Variants in SLC30A5 observed in about 807,000 individuals in gnomAD.
SLC30A5 encodes the protein solute carrier family 30 member 5, also known as proton-coupled zinc antiporter SLC30A5.
A neutral mutation model predicts 79.6 loss-of-function variants in SLC30A5; 33 were observed. The ratio of observed to expected loss-of-function variants is 0.41; its 90% CI spans 0.31 to 0.55. SLC30A5 has a LOEUF of 0.55. Ranked by LOEUF, SLC30A5 falls within the 20% of genes least tolerant of loss-of-function variation. The pLI is 0.20. For synonymous variants in SLC30A5, 299 were observed against 319.7 expected (o/e 0.94, Z 0.69); for missense variants, 788 against 928.1 (o/e 0.85, Z 1.96).
chr5:69,117,551 T>C (rs1746404781), intron 11 of SLC30A5, among the ~76,000 whole-genome samples, 155 bp downstream of exon 11: 1 of 152,196 alleles, frequency 6.6e-6, no homozygotes, highest in Non-Finnish European at 1.5e-5. Context: ...ATCGGGCATT[T>C]GATAAATACT....
chr5:69,094,047 G>A lies in SLC30A5; in HGVS notation c.-209G>A. The A allele has an allele frequency of 2.5e-6, 1 of 393,980 alleles. No individual in the cohort carries two copies. The highest frequency in any genetic ancestry group is 4.5e-6 in the Non-Finnish European group (1 of 222,678). 24.4% of individuals were successfully genotyped at this position (393,980 alleles called of 1,614,324 possible). On this transcript the variant is annotated 5_prime_UTR_variant, in exon 1 of 16. Coordinates refer to ENST00000396591, the MANE Select transcript of SLC30A5 (RefSeq NM_022902.5). Reference sequence around the variant, plus strand: ...CGCCGCTGCTTCCCGGGAACCTGGCGCCGCCGGAACTGATCGCGGCCTAGT... The same window carrying A: ...CGCCGCTGCTTCCCGGGAACCTGGCACCGCCGGAACTGATCGCGGCCTAGT...
chr5:69,100,651 G>A (rs1179301021), intron 1 of SLC30A5, among the ~76,000 whole-genome samples, 156 bp from the exon 2 acceptor site: 2 of 150,696 alleles, frequency 1.3e-5, no homozygotes, highest in Non-Finnish European at 2.9e-5. Flanking sequence ...TAGTTATCAC[G>A]TGGATGGTGA....
intron 14 of SLC30A5, among the ~76,000 whole-genome samples, chr5:69,124,483 C>T (rs1335836191): frequency 6.6e-6 from 1 of 152,046 alleles, no homozygotes; most frequent in Non-Finnish European, 1.5e-5. Context: ...GAAAAAAAAG[C>T]TATATCTCTA....
At chr5:69,117,615 G>A (rs919890875) in intron 11 of SLC30A5, among the ~76,000 whole-genome samples, 6 of 152,210 alleles carry the variant, frequency 3.9e-5, no homozygotes, top group African/African-American at 1.2e-4. Flanking sequence ...AGTGGCTCAC[G>A]CCTGTAATCC....
Position 69,115,366 on chromosome 5 carries a change from C to T in SLC30A5, c.742C>T (p.Leu248Phe), listed in dbSNP as rs752773548. 11 of 1,613,942 alleles carry T rather than the reference C, an allele frequency of 6.8e-6. No homozygotes were observed. The highest frequency in any genetic ancestry group is 9.3e-6 in the Non-Finnish European group (11 of 1,179,946). The change falls in exon 8 of 16, where the codon CTC becomes TTC. Residue 248 changes from leucine to phenylalanine, a missense_variant. Physicochemically the swap from Leu to Phe is conservative, Grantham distance 22 (BLOSUM62 0). Around this residue, in one of 3 missense-constraint regions of SLC30A5, gnomAD observed 626 missense variants for 755.5 expected, o/e 0.83. Coordinates refer to ENST00000396591, the MANE Select transcript of SLC30A5 (RefSeq NM_022902.5). Reference protein sequence around the residue: ...QALSHLVSVLLLCPWVIVLSV... With the variant: ...QALSHLVSVLFLCPWVIVLSV... ...TTTATCTCATCTTGTTTCTGTGCTT[C>T]TCTTGTGCCCATGGGTCATTGTTCT... is the stretch of plus-strand genomic sequence containing the variant.
Position 69,116,135 on chromosome 5 carries a change from G to T in SLC30A5, c.993G>T (p.Met331Ile). 6.2e-7 allele frequency: 1 copy of T among 1,614,168 alleles called. No individual in the cohort carries two copies. Among genetic ancestry groups the T allele is most frequent in the Non-Finnish European group, 8.5e-7 (1 of 1,180,032 alleles). The change falls in exon 9 of 16, where the codon ATG becomes ATT. Residue 331 changes from methionine to isoleucine, a missense_variant. Met to Ile is a conservative substitution (Grantham distance 10, BLOSUM62 1). Coordinates refer to ENST00000396591, the MANE Select transcript of SLC30A5 (RefSeq NM_022902.5). This position sits in a 1 kb window ranked among gnomAD's most constrained non-coding sequence, Gnocchi z 4.0. ...THPITDQLRA[M>I]NKAAHQESTE... is the part of the protein sequence containing the mutation. ...CAATAACAGACCAGCTTCGGGCTATGAACAAAGCAGCACACCAGGAGAGCA... is the reference window on the plus strand; with the variant it reads ...CAATAACAGACCAGCTTCGGGCTATTAACAAAGCAGCACACCAGGAGAGCA...
chr5:69,106,162 T>C (rs1746074898), intron 4 of SLC30A5, among the ~76,000 whole-genome samples: 2 of 152,174 alleles, frequency 1.3e-5, no homozygotes, highest in Non-Finnish European at 2.9e-5. Flanking sequence ...CTTTGACTTG[T>C]TTGTCATGTA....
At chr5:69,112,221 C>T (rs754863114) in intron 5 of SLC30A5, among the ~76,000 whole-genome samples, 6 of 151,686 alleles carry the variant, frequency 4.0e-5, no homozygotes, top group Non-Finnish European at 8.8e-5. Flanking sequence ...CACTTGAACC[C>T]GGGAGATGGA....
chr5:69,103,869 G>A (rs920866105), intron 3 of SLC30A5: 8 of 986,404 alleles, frequency 8.1e-6, no homozygotes, highest in African/African-American at 3.5e-5. Flanking sequence ...TTAGAAAGAC[G>A]AATTTAAGTA....
intron 5 of SLC30A5, among the ~76,000 whole-genome samples, 193 bp from the exon 6 acceptor site, chr5:69,112,947 C>T (rs554161149): frequency 6.6e-6 from 1 of 152,128 alleles, no homozygotes; most frequent in Non-Finnish European, 1.5e-5. Flanking sequence ...GTTTATATCT[C>T]TTTGATATCT....
chr5:69,123,305 T>G lies in SLC30A5; in HGVS notation c.1878T>G (p.Ser626=). ...GGTTCATCGCTGACCCACTCTGTTC[T>G]CTTTTTATTGCTATATTAATATTTC... ...FGWFIADPLC[S]LFIAILIFLS... Residue 626 remains serine, a synonymous_variant, in exon 14 of 16, where the codon TCT becomes TCG. Transcript: ENST00000396591. 1 of 1,614,100 alleles carries G rather than the reference T, an allele frequency of 6.2e-7. No homozygotes were observed. Among genetic ancestry groups the G allele is most frequent in the Non-Finnish European group, 8.5e-7 (1 of 1,179,952 alleles).
Position 69,125,486 on chromosome 5 carries a change from ATGGCAACAGAGCGAGAC to A in SLC30A5, c.1998+2080_1998+2096del, listed in dbSNP as rs560850627. On this transcript the variant is annotated intron_variant, in intron 14 of 15. Coordinates refer to ENST00000396591, the MANE Select transcript of SLC30A5 (RefSeq NM_022902.5). ...GGTTGCAGTGAGCTGAGATCACGCC[ATGGCAACAGAGCGAGAC>A]TGGCAACAGAGCGAGACTCTGTCCT... is the stretch of plus-strand genomic sequence containing the variant. 9.1e-4 allele frequency among the ~76,000 whole-genome samples: 137 copies of A among 150,608 alleles called. No individual in the cohort carries two copies. In the Middle Eastern group the frequency reaches 0.014, roughly 15 times the overall value.
intron 5 of SLC30A5, among the ~76,000 whole-genome samples, chr5:69,112,081 C>T (rs1346421768): frequency 4.6e-5 from 7 of 151,960 alleles, no homozygotes; most frequent in African/African-American, 7.2e-5. Context: ...GGGTGGATCA[C>T]GAGGTCAAGA....
chr5:69,097,950 GA>G (rs1002796440), intron 1 of SLC30A5, among the ~76,000 whole-genome samples: 7 of 152,256 alleles, frequency 4.6e-5, no homozygotes, highest in Admixed American at 3.9e-4. Flanking sequence ...TGTTATGAAG[GA>G]AAAACAATGG....
In SLC30A5 at chr5:69,130,361, A is replaced by G. The variant is rs983520211; in HGVS notation, c.*744A>G. 3.9e-5 allele frequency: 6 copies of G among 152,164 alleles called. No individual in the cohort carries two copies. Among genetic ancestry groups the G allele is most frequent in the African/African-American group, 1.4e-4 (6 of 41,448 alleles). The allele number at this position is 152,164 out of a possible 1,614,324, so 9.4% of individuals were successfully genotyped here. A position where few individuals can be genotyped will look rare whatever the true frequency, so the allele number is the denominator to read the frequency against. ...TACTTACCATGTTCCTTTAAAGTAG[A>G]ATATTTCCTTTCTTGTTATATATTT... On this transcript the variant is annotated 3_prime_UTR_variant, in exon 16 of 16. Transcript: ENST00000396591.
At chr5:69,104,799 A>C in intron 4 of SLC30A5, 83 bp downstream of exon 4, 1 of 1,374,934 alleles carries the variant, frequency 7.3e-7, no homozygotes, top group Admixed American at 2.0e-5. Context: ...TTTTACGTCA[A>C]ATATTTATCT....
chr5:69,117,246 C>G lies in SLC30A5; in HGVS notation c.1289C>G (p.Thr430Ser). The change falls in exon 11 of 16, where the codon ACC (threonine) becomes AGC (serine). Residue 430 changes from threonine to serine, a missense_variant. Around this residue, in one of 3 missense-constraint regions of SLC30A5, gnomAD observed 626 missense variants for 755.5 expected, o/e 0.83. Transcript: ENST00000396591. ...TTTTGGTGACATTTTTAGCTTTTTA[C>G]CTTTGTGGAATTATTCTATGGCGTG... The part of the protein sequence containing the change: ...FYFLCLNLLF[T>S]FVELFYGVLT... 6.2e-7 allele frequency: 1 copy of G among 1,608,866 alleles called. No individual in the cohort carries two copies. Among genetic ancestry groups the G allele is most frequent in the East Asian group, 2.2e-5 (1 of 44,754 alleles).
Position 69,100,935 on chromosome 5 carries a change from T to G in SLC30A5, c.206+6T>G, listed in dbSNP as rs747508760. 2.2e-6 allele frequency: 3 copies of G among 1,360,832 alleles called. No individual in the cohort carries two copies. Among genetic ancestry groups the G allele is most frequent in the Non-Finnish European group, 3.0e-6 (3 of 992,520 alleles). 84.3% of individuals were successfully genotyped at this position (1,360,832 alleles called of 1,614,324 possible). On this transcript the variant is annotated splice_donor_region_variant and intron_variant, in intron 2 of 15. Coordinates refer to ENST00000396591, the MANE Select transcript of SLC30A5 (RefSeq NM_022902.5). Reference sequence around the variant, plus strand: ...ATTTTTATATTAAAACTTGGGTGAGTGTGGGGGGGGGTTTTTTCTTGATAT... The same window carrying G: ...ATTTTTATATTAAAACTTGGGTGAGGGTGGGGGGGGGTTTTTTCTTGATAT...
In SLC30A5 at chr5:69,104,628, TAGTG is replaced by T; in HGVS notation, c.274-2_275del. On this transcript the variant is annotated splice_acceptor_variant and coding_sequence_variant, in exon 4 of 16. Coordinates refer to ENST00000396591, the MANE Select transcript of SLC30A5 (RefSeq NM_022902.5). LOFTEE classifies it high-confidence loss of function. ...TTTTTAATTTTTTTGTTTCCATTTA[TAGTG>T]GATCAAAATATTTAAACATGCAGTT... The T allele has an allele frequency of 6.6e-7, 1 of 1,523,802 alleles. No individual in the cohort carries two copies. Among genetic ancestry groups the T allele is most frequent in the Non-Finnish European group, 8.8e-7 (1 of 1,133,338 alleles). The allele number at this position is 1,523,802 out of a possible 1,614,324, so 94.4% of individuals were successfully genotyped here. A position where few individuals can be genotyped will look rare whatever the true frequency, so the allele number is the denominator to read the frequency against.
Sources: allele counts gnomAD v4.1 joint callset (sites outside exome capture counted in the v4.1 genomes callset), GRCh38; gene constraint gnomAD v4.1.1; regional missense constraint gnomAD v4.1.1; non-coding constraint Gnocchi (gnomAD v3.1); transcripts MANE v1.5; gene names NCBI Gene and HGNC (gene_info 2026-07-23, HGNC 2026-07-21).